ERC1: variants seen among roughly 807,000 people sequenced by gnomAD.
The protein encoded by ERC1 is RAB6 interacting protein 2.
In ERC1, 56 loss-of-function variants were observed where a neutral mutation model predicts 132.0. The ratio of observed to expected loss-of-function variants is 0.42; its 90% CI spans 0.34 to 0.53. The LOEUF (loss-of-function observed/expected upper bound fraction) is 0.53. Among genes scored for constraint, ERC1 ranks in the 20% least tolerant of loss-of-function variants. ERC1 has a pLI of 0.03. For synonymous variants in ERC1, 478 were observed against 476.1 expected (o/e 1.00, Z -0.05); for missense variants, 1,202 against 1,349.9 (o/e 0.89, Z 1.72).
At chr12:1,031,487 T>C (rs986056701) in intron 2 of ERC1, among the ~76,000 whole-genome samples, 1 of 152,188 alleles carries the variant, frequency 6.6e-6, no homozygotes, top group African/African-American at 2.4e-5. Flanking sequence ...GGGCCAAAAT[T>C]CTTCAGATTT....
chr12:1,277,625 A>G (rs969008398), intron 14 of ERC1, among the ~76,000 whole-genome samples: 1 of 152,198 alleles, frequency 6.6e-6, no homozygotes, highest in Non-Finnish European at 1.5e-5. Flanking sequence ...AGTGTTACAG[A>G]TACAAACGTT....
chr12:1,347,890 T>A (rs12317275), intron 15 of ERC1, among the ~76,000 whole-genome samples: 2,502 of 152,064 alleles, frequency 0.016, 74 homozygotes, highest in African/African-American at 0.057. Context: ...GGCTGAAGCA[T>A]GAGAATTGCT....
chr12:1,076,654 A>G (rs138487536), intron 2 of ERC1, among the ~76,000 whole-genome samples: 4,614 of 152,154 alleles, frequency 0.03, 238 homozygotes, highest in African/African-American at 0.1. Context: ...TGGCTTCCCA[A>G]AGTGCTGGGA....
At chr12:1,341,639 T>C (rs1389895022) in intron 15 of ERC1, among the ~76,000 whole-genome samples, 1 of 133,940 alleles carries the variant, frequency 7.5e-6, no homozygotes, top group Admixed American at 8.5e-5. Flanking sequence ...GGGAGGGGAA[T>C]ATCACACACT....
At chr12:1,205,727 A>G (rs966288397) in intron 12 of ERC1, among the ~76,000 whole-genome samples, 2 of 152,118 alleles carry the variant, frequency 1.3e-5, no homozygotes, top group African/African-American at 2.4e-5. Flanking sequence ...AGTAATTCCA[A>G]TTAGGTGGCA....
At chr12:1,212,112 A>G (rs937890092) in intron 12 of ERC1, among the ~76,000 whole-genome samples, 1 of 152,078 alleles carries the variant, frequency 6.6e-6, no homozygotes, top group Non-Finnish European at 1.5e-5. Flanking sequence ...AAATCTGATT[A>G]TATCACTTCC....
intron 2 of ERC1, among the ~76,000 whole-genome samples, chr12:1,050,983 A>G (rs1167819138): frequency 6.6e-6 from 1 of 152,030 alleles, no homozygotes; most frequent in Non-Finnish European, 1.5e-5. Flanking sequence ...CCAGCCTGGC[A>G]ACAGAGTGAG....
chr12:1,158,581 C>T (rs1951607262), intron 8 of ERC1, among the ~76,000 whole-genome samples: 1 of 151,274 alleles, frequency 6.6e-6, no homozygotes, highest in South Asian at 2.1e-4. Flanking sequence ...AGGCATGCGC[C>T]ACCATGCCCA....
At chr12:1,003,320 A>C (rs1962837930) in intron 1 of ERC1, among the ~76,000 whole-genome samples, 1 of 152,080 alleles carries the variant, frequency 6.6e-6, no homozygotes, top group East Asian at 1.9e-4. Flanking sequence ...TCTTTTGTTA[A>C]ATTTAGTCCT....
At chr12:1,281,993 T>A (rs2078711511) in intron 14 of ERC1, among the ~76,000 whole-genome samples, 1 of 152,148 alleles carries the variant, frequency 6.6e-6, no homozygotes, top group Non-Finnish European at 1.5e-5. Flanking sequence ...GATGAGTGCT[T>A]ATTACGGGAT....
intron 15 of ERC1, among the ~76,000 whole-genome samples, chr12:1,322,572 C>T (rs2082185153): frequency 6.6e-6 from 1 of 152,138 alleles, no homozygotes; most frequent in Non-Finnish European, 1.5e-5. Context: ...ATTTATTACA[C>T]AAACCCATGC....
intron 1 of ERC1, among the ~76,000 whole-genome samples, chr12:1,011,086 A>G (rs1225178262): frequency 6.6e-6 from 1 of 152,246 alleles, no homozygotes; most frequent in Non-Finnish European, 1.5e-5. Context: ...GGTGATAGCA[A>G]CTGCAAGTGC....
chr12:1,488,085 C>T (rs1395241892), intron 18 of ERC1, among the ~76,000 whole-genome samples: 1 of 148,126 alleles, frequency 6.8e-6, no homozygotes, highest in Non-Finnish European at 1.5e-5. Flanking sequence ...TTGCAGTGAG[C>T]TGAGATCGCG....
rs1292156091 is a variant in ERC1 at position 1,105,330 on chromosome 12, C to T, written c.1161+506C>T. 2.6e-5 allele frequency among the ~76,000 whole-genome samples: 4 copies of T among 152,106 alleles called. No individual in the cohort carries two copies. The East Asian group carries it at 7.7e-4, about 29-fold the overall frequency. Reference sequence around the variant, plus strand: ...ACACACAATATTAAAAGTATGTGTACTCCAGAGTTGAGATTTTTTTTTATT... The same window carrying T: ...ACACACAATATTAAAAGTATGTGTATTCCAGAGTTGAGATTTTTTTTTATT... On this transcript the variant is annotated intron_variant, in intron 4 of 18. Transcript: ENST00000360905.
chr12:1,427,504 A>G (rs2092676530), intron 17 of ERC1, among the ~76,000 whole-genome samples: 1 of 152,168 alleles, frequency 6.6e-6, no homozygotes, highest in Non-Finnish European at 1.5e-5. Flanking sequence ...GCAACTATAA[A>G]TTTCGTATTT....
At chr12:1,140,169 T>C (rs1949734316) in intron 7 of ERC1, among the ~76,000 whole-genome samples, 1 of 152,156 alleles carries the variant, frequency 6.6e-6, no homozygotes, top group African/African-American at 2.4e-5. Flanking sequence ...CTTTCCAGTA[T>C]GGTCCAACAT....
chr12:1,000,880 G>A (rs1962110848), intron 1 of ERC1, among the ~76,000 whole-genome samples: 1 of 152,124 alleles, frequency 6.6e-6, no homozygotes, highest in African/African-American at 2.4e-5. Flanking sequence ...CTTTCTTGAA[G>A]CCATTATTTG....
At chr12:1,468,401 A>G (rs186976299) in intron 18 of ERC1, among the ~76,000 whole-genome samples, 3 of 152,260 alleles carry the variant, frequency 2.0e-5, no homozygotes, top group African/African-American at 7.2e-5. Context: ...TCAGGAGTTC[A>G]AGGTCAGCCT....
intron 2 of ERC1, among the ~76,000 whole-genome samples, chr12:1,053,312 G>A (rs1195230148): frequency 2.6e-5 from 4 of 152,126 alleles, no homozygotes; most frequent in Non-Finnish European, 4.4e-5. Context: ...AGTAGCTTTC[G>A]TTAGTCTTGC....
Sources: allele counts gnomAD v4.1 joint callset (sites outside exome capture counted in the v4.1 genomes callset), GRCh38; gene constraint gnomAD v4.1.1; transcripts MANE v1.5; gene names NCBI Gene and HGNC (gene_info 2026-07-23, HGNC 2026-07-21).